The following SMIM44 variants were observed in gnomAD, a reference collection of about 807,000 sequenced individuals.
SMIM44 encodes the protein small integral membrane protein 44.
chr19:3,482,857 C>G, the SMIM44 span: 28 of 359,416 alleles, frequency 7.8e-5, no homozygotes, highest in Non-Finnish European at 1.2e-4. Context: ...TCCTTGAAGG[C>G]AATGGAGGGG....
chr19:3,482,703 GTCCGCTGCGACCGGGCAGCTCAGGGTTT>G, the SMIM44 span: 21 of 396,276 alleles, frequency 5.3e-5, no homozygotes, highest in Admixed American at 4.9e-4. Context: ...GGAGAAAGCC[GTCCGCTGCGACCGGGCAGCTCAGGGTTT>G]GCAGAAAGGG....
At chr19:3,483,291 A>C in the SMIM44 span, 2 of 398,398 alleles carry the variant, frequency 5.0e-6, no homozygotes, top group Non-Finnish European at 8.9e-6. Context: ...CAGCAGGTAC[A>C]GCACGTACCT....
At chr19:3,482,715 C>G in the SMIM44 span, 1 of 396,616 alleles carries the variant, frequency 2.5e-6, no homozygotes, top group African/African-American at 2.1e-5. Flanking sequence ...CCGCTGCGAC[C>G]GGGCAGCTCA....
At chr19:3,483,268 C>T in the SMIM44 span, 44 of 398,370 alleles carry the variant, frequency 1.1e-4, no homozygotes, top group Non-Finnish European at 1.7e-4. Flanking sequence ...GCCACCACCA[C>T]CAGCGCGGCC....
the SMIM44 span, chr19:3,482,726 G>T: frequency 2.5e-6 from 1 of 397,122 alleles, no homozygotes; most frequent in South Asian, 1.4e-4. Context: ...GGGCAGCTCA[G>T]GGTTTGCAGA....
At chr19:3,482,229 C>T in the SMIM44 span, among the ~76,000 whole-genome samples, 1 of 152,206 alleles carries the variant, frequency 6.6e-6, no homozygotes, top group Non-Finnish European at 1.5e-5. Flanking sequence ...AAGTCAGGAC[C>T]ACCCCCCAGA....
the SMIM44 span, chr19:3,482,819 C>T: frequency 2.5e-6 from 1 of 396,880 alleles, no homozygotes; most frequent in Non-Finnish European, 4.4e-6. Context: ...TTGCCATCAG[C>T]TTCCAGAAGG....
the SMIM44 span, among the ~76,000 whole-genome samples, chr19:3,482,631 G>T: frequency 1.3e-5 from 2 of 152,190 alleles, no homozygotes; most frequent in African/African-American, 4.8e-5. Context: ...AGGCTGAGCC[G>T]GGCAGGCTCT....
At chr19:3,482,908 C>T in the SMIM44 span, 1 of 398,132 alleles carries the variant, frequency 2.5e-6, no homozygotes, top group Non-Finnish European at 4.4e-6. Flanking sequence ...GAGGGGGCTC[C>T]CTCCCCACCC....
At chr19:3,483,013 G>A in the SMIM44 span, 1 of 398,538 alleles carries the variant, frequency 2.5e-6, no homozygotes, top group Non-Finnish European at 4.4e-6. Context: ...AGCTCCCGGG[G>A]TGCGGCCTCC....
chr19:3,482,688 GGGAAGGAGAAAGC>G, the SMIM44 span: 21 of 396,076 alleles, frequency 5.3e-5, no homozygotes, highest in Admixed American at 4.9e-4. Flanking sequence ...CCTGCCGGCT[GGGAAGGAGAAAGC>G]CGTCCGCTGC....
the SMIM44 span, chr19:3,483,343 C>G: frequency 2.5e-6 from 1 of 398,244 alleles, no homozygotes; most frequent in Non-Finnish European, 4.4e-6. Context: ...CGGTACTCCT[C>G]GTACAGCGGC....
At chr19:3,482,920 C>T in the SMIM44 span, 3 of 398,136 alleles carry the variant, frequency 7.5e-6, no homozygotes, top group Non-Finnish European at 4.4e-6. Context: ...TCCCCACCCC[C>T]GCCGGCGTCC....
the SMIM44 span, chr19:3,483,395 CCCCGGCATGGTGTCCG>C: frequency 2.5e-6 from 1 of 397,978 alleles, no homozygotes; most frequent in Non-Finnish European, 4.4e-6. Flanking sequence ...CGGCCGCCAG[CCCCGGCATGGTGTCCG>C]CCCGGCACAG....
At chr19:3,482,985 C>A in the SMIM44 span, 1 of 398,438 alleles carries the variant, frequency 2.5e-6, no homozygotes, top group Non-Finnish European at 4.4e-6. Flanking sequence ...CAAGTCCTCG[C>A]CGGTCAGGCT....
chr19:3,483,405 G>T, the SMIM44 span: 1 of 397,930 alleles, frequency 2.5e-6, no homozygotes, highest in Admixed American at 4.4e-5. Context: ...CCCCGGCATG[G>T]TGTCCGCCCG....
the SMIM44 span, chr19:3,483,320 CA>C: frequency 2.5e-5 from 10 of 398,078 alleles, no homozygotes. Flanking sequence ...GGATGCTGTC[CA>C]GGGGCGGCGG....
chr19:3,483,360 G>C, the SMIM44 span: 1 of 398,014 alleles, frequency 2.5e-6, no homozygotes, highest in African/African-American at 2.1e-5. Context: ...CGGCGGGGAC[G>C]GGCTCCAGCC....
At chr19:3,483,071 G>A in the SMIM44 span, 4 of 398,392 alleles carry the variant, frequency 1.0e-5, no homozygotes, top group Admixed American at 4.4e-5. Context: ...GGGAGCTGGT[G>A]AGGCAACTCC....
Sources: allele counts gnomAD v4.1 joint callset (sites outside exome capture counted in the v4.1 genomes callset), GRCh38; gene constraint gnomAD v4.1.1; transcripts MANE v1.5; gene names NCBI Gene and HGNC (gene_info 2026-07-23, HGNC 2026-07-21).